Variants in TAF4B observed in about 807,000 individuals in gnomAD.
TAF4B encodes the protein transcription initiation factor TFIID subunit 4B.
A neutral mutation model predicts 86.4 loss-of-function variants in TAF4B; 38 were observed. The ratio of observed to expected loss-of-function variants is 0.44; its 90% CI spans 0.34 to 0.58. The LOEUF (loss-of-function observed/expected upper bound fraction) is 0.58. Among genes scored for constraint, TAF4B ranks in the 20% least tolerant of loss-of-function variants. The pLI is 0.02. For synonymous variants in TAF4B, 388 were observed against 391.2 expected (o/e 0.99, Z 0.10); for missense variants, 988 against 1,027.6 (o/e 0.96, Z 0.53).
At chr18:26,238,073 G>A (rs141106357) in intron 1 of TAF4B, among the ~76,000 whole-genome samples, 1,634 of 152,272 alleles carry the variant, frequency 0.011, 10 homozygotes, top group Non-Finnish European at 0.017. Context: ...ACCAAGGAAT[G>A]TCAGATTTAG....
chr18:26,334,607 C>A (rs919473033), intron 12 of TAF4B, among the ~76,000 whole-genome samples: 1 of 152,086 alleles, frequency 6.6e-6, no homozygotes, highest in African/African-American at 2.4e-5. Flanking sequence ...GAACATGGTG[C>A]ACAGCATTCT....
chr18:26,373,036 C>G (rs1439699939), intron 14 of TAF4B, among the ~76,000 whole-genome samples: 1 of 151,824 alleles, frequency 6.6e-6, no homozygotes, highest in African/African-American at 2.4e-5. Context: ...AGCAATGAGT[C>G]CCACAGAAAT....
intron 1 of TAF4B, among the ~76,000 whole-genome samples, chr18:26,264,134 G>A (rs1369304692): frequency 6.6e-6 from 1 of 152,052 alleles, no homozygotes; most frequent in African/African-American, 2.4e-5. Context: ...ATAAAGAGTG[G>A]GTTGATTAAA....
intron 1 of TAF4B, among the ~76,000 whole-genome samples, chr18:26,262,750 G>C (rs2056187645): frequency 6.6e-6 from 1 of 151,986 alleles, no homozygotes; most frequent in African/African-American, 2.4e-5. Flanking sequence ...CAAAGTGCTG[G>C]GTTTACAAGT....
At chr18:26,349,598 G>T (rs1887624497) in intron 13 of TAF4B, among the ~76,000 whole-genome samples, 1 of 152,260 alleles carries the variant, frequency 6.6e-6, no homozygotes, top group South Asian at 2.1e-4. Flanking sequence ...TGGATCAGAA[G>T]AATTAATATT....
intron 13 of TAF4B, among the ~76,000 whole-genome samples, chr18:26,342,379 G>T (rs867205784): frequency 6.6e-6 from 1 of 152,042 alleles, no homozygotes; most frequent in Non-Finnish European, 1.5e-5. Flanking sequence ...ATGTGCCCCT[G>T]TTCCTGTCCA....
At chr18:26,299,472 G>C (rs1598774568) in intron 9 of TAF4B, among the ~76,000 whole-genome samples, 1 of 152,012 alleles carries the variant, frequency 6.6e-6, no homozygotes, top group Middle Eastern at 3.4e-3. Context: ...TGAGCGATTT[G>C]GTCTATAGTT....
intron 13 of TAF4B, among the ~76,000 whole-genome samples, chr18:26,355,499 T>C (rs886607011): frequency 6.6e-6 from 1 of 152,206 alleles, no homozygotes; most frequent in African/African-American, 2.4e-5. Context: ...TCAAGATGCA[T>C]TGGTTTTGAG....
rs1282068871 is a variant in TAF4B, at chr18:26,315,161, T to TCTCA, written c.1833-67_1833-66insTCAC. 564 of 222,646 alleles carry TCTCA rather than the reference T, an allele frequency of 2.5e-3. 13 individuals are homozygous for TCTCA. The highest frequency in any genetic ancestry group is 9.2e-3 in the East Asian group (95 of 10,348). 13.8% of individuals were successfully genotyped at this position (222,646 alleles called of 1,614,324 possible). A position where few individuals can be genotyped will look rare whatever the true frequency, so the allele number is the denominator to read the frequency against. ...CTCTCTCTCTGTCTCTCTCTCTCTC[T>TCTCA]CACACACACACACACACACACACAC... On this transcript the variant is annotated intron_variant, in intron 9 of 14. Coordinates refer to ENST00000269142, the MANE Select transcript of TAF4B (RefSeq NM_005640.3).
At chr18:26,282,101 A>G in intron 6 of TAF4B, 41 bp downstream of exon 6, 1 of 1,444,772 alleles carries the variant, frequency 6.9e-7, no homozygotes, top group Non-Finnish European at 9.7e-7. Context: ...TTTGGATTAG[A>G]TTACTCTAAA....
At chr18:26,376,934 A>C (rs73395971) in intron 14 of TAF4B, among the ~76,000 whole-genome samples, 1 of 152,110 alleles carries the variant, frequency 6.6e-6, no homozygotes, top group South Asian at 2.1e-4. Flanking sequence ...TTTTGAGATG[A>C]TCGTGCTTTT....
chr18:26,314,062 C>T (rs1327210139), intron 9 of TAF4B, among the ~76,000 whole-genome samples: 1 of 152,022 alleles, frequency 6.6e-6, no homozygotes, highest in Non-Finnish European at 1.5e-5. Context: ...AAGTTGAACA[C>T]CAGAGGCCTT....
At chr18:26,368,513 C>T (rs1421508505) in intron 14 of TAF4B, among the ~76,000 whole-genome samples, 5 of 152,094 alleles carry the variant, frequency 3.3e-5, no homozygotes, top group Non-Finnish European at 5.9e-5. Flanking sequence ...AGATAGCAGT[C>T]CCTCTTTACC....
At chr18:26,271,274 G>A (rs982371025) in intron 3 of TAF4B, among the ~76,000 whole-genome samples, 12 of 152,152 alleles carry the variant, frequency 7.9e-5, no homozygotes, top group Non-Finnish European at 1.5e-4. Flanking sequence ...TAGAAATCTT[G>A]TGTTCACTTT....
intron 12 of TAF4B, among the ~76,000 whole-genome samples, chr18:26,328,750 G>C (rs2057027622): frequency 6.6e-6 from 1 of 151,988 alleles, no homozygotes; most frequent in African/African-American, 2.4e-5. Flanking sequence ...CTCCTGAGTA[G>C]CTGGGACTAC....
intron 13 of TAF4B, among the ~76,000 whole-genome samples, chr18:26,336,834 T>G (rs946160646): frequency 6.6e-6 from 1 of 152,222 alleles, no homozygotes; most frequent in African/African-American, 2.4e-5. Flanking sequence ...CCTTTTAACC[T>G]TACCCTGTCT....
At chr18:26,273,631 G>A (rs887706527) in intron 3 of TAF4B, among the ~76,000 whole-genome samples, 2 of 152,130 alleles carry the variant, frequency 1.3e-5, no homozygotes, top group African/African-American at 4.8e-5. Context: ...CTGTCCTCAA[G>A]CAATCCTCCT....
intron 5 of TAF4B, among the ~76,000 whole-genome samples, chr18:26,281,589 T>C (rs1265692848): frequency 6.6e-6 from 1 of 152,208 alleles, no homozygotes; most frequent in Non-Finnish European, 1.5e-5. Flanking sequence ...CAAATCGTTG[T>C]AGAGAACTTA....
At position 26,390,693 on chromosome 18, in the gene TAF4B, A is replaced by T. The variant is rs1598850151; in HGVS notation, c.*681A>T. ...ATCTACTGATATATCTTGTTGAAAA[A>T]ATGGAAAAGGTGCAAAGTATTAGAA... On this transcript the variant is annotated 3_prime_UTR_variant, in exon 15 of 15. Transcript: ENST00000269142. 6.6e-6 allele frequency: 1 copy of T among 152,338 alleles called. No individual in the cohort carries two copies. Among genetic ancestry groups the T allele is most frequent in the East Asian group, 1.9e-4 (1 of 5,194 alleles). 9.4% of individuals were successfully genotyped at this position (152,338 alleles called of 1,614,324 possible).
Sources: allele counts gnomAD v4.1 joint callset (sites outside exome capture counted in the v4.1 genomes callset), GRCh38; gene constraint gnomAD v4.1.1; transcripts MANE v1.5; gene names NCBI Gene and HGNC (gene_info 2026-07-23, HGNC 2026-07-21).